PLA2G5: variants seen among roughly 807,000 people sequenced by gnomAD.
The protein encoded by PLA2G5 is phospholipase A2 group V, also known as Ca2+-dependent phospholipase A2.
In PLA2G5, 12 loss-of-function variants were observed where a neutral mutation model predicts 15.9. The ratio of observed to expected loss-of-function variants is 0.76; its 90% CI spans 0.48 to 1.23. The LOEUF (loss-of-function observed/expected upper bound fraction) is 1.23. PLA2G5 is among the 50% of genes most tolerant of loss of function. The pLI, the probability that PLA2G5 is intolerant of heterozygous loss-of-function variation, is 0.00. For missense variants in PLA2G5, 169 were observed against 177.1 expected, an observed-to-expected ratio of 0.95 and a Z score of 0.26; for synonymous variants, 71 against 71.4, an observed-to-expected ratio of 0.99 and a Z score of 0.03.
intron 1 of PLA2G5, among the ~76,000 whole-genome samples, chr1:20,071,759 G>A (rs966289765): frequency 2.2e-4 from 34 of 152,020 alleles, no homozygotes; most frequent in Admixed American, 1.3e-3. Context: ...GCTCCTTCAC[G>A]GCTTTACTCA....
intron 1 of PLA2G5, among the ~76,000 whole-genome samples, chr1:20,046,700 G>A (rs898201857): frequency 6.6e-6 from 1 of 152,160 alleles, no homozygotes; most frequent in Non-Finnish European, 1.5e-5. Context: ...GGCTTTGGGG[G>A]TACCAGAGAT....
At chr1:20,071,057 C>T (rs1195487412) in intron 1 of PLA2G5, 2 of 152,146 alleles carry the variant, frequency 1.3e-5, no homozygotes, top group Non-Finnish European at 2.9e-5. Context: ...TATACGTGGC[C>T]TCAGGAGTCA....
At chr1:20,049,741 C>G (rs1255050470) in intron 1 of PLA2G5, among the ~76,000 whole-genome samples, 2 of 152,206 alleles carry the variant, frequency 1.3e-5, no homozygotes, top group Non-Finnish European at 2.9e-5. Flanking sequence ...TCCATTAAAC[C>G]TCTTTCCTTT....
At position 20,091,838 on chromosome 1, in the gene PLA2G5, A is replaced by G. The variant is rs1160831067; in HGVS notation, c.*1146A>G. Among the ~76,000 whole-genome samples, 3 of 152,228 alleles carry G rather than the reference A, an allele frequency of 2.0e-5. No individual in the cohort carries two copies. The highest frequency in any genetic ancestry group is 1.3e-4 in the Admixed American group (2 of 15,278). ...ATACCCCAAAATAACTGCATGATAA[A>G]TAGGTCTATATTTAAAAAGCTCTAG... On this transcript the variant is annotated 3_prime_UTR_variant, in exon 5 of 5. Coordinates refer to ENST00000375108, the MANE Select transcript of PLA2G5 (RefSeq NM_000929.3).
At chr1:20,061,677 C>G (rs1401264435) in intron 2 of PLA2G5, among the ~76,000 whole-genome samples, 1 of 152,142 alleles carries the variant, frequency 6.6e-6, no homozygotes, top group African/African-American at 2.4e-5. Context: ...AAAAGAATCC[C>G]TCTTTCCATA....
upstream of PLA2G5, among the ~76,000 whole-genome samples, chr1:20,065,521 A>G (rs1435620583): frequency 6.6e-6 from 1 of 152,200 alleles, no homozygotes; most frequent in Non-Finnish European, 1.5e-5. Context: ...GTTATACAGT[A>G]TATATCCTTT....
chr1:20,032,219 T>C (rs768525477), intron 1 of PLA2G5, among the ~76,000 whole-genome samples: 1 of 152,172 alleles, frequency 6.6e-6, no homozygotes, highest in Non-Finnish European at 1.5e-5. Context: ...CCATTTAATG[T>C]TTAGAGTCTT....
chr1:20,083,764 G>A (rs1008028813), intron 1 of PLA2G5, among the ~76,000 whole-genome samples: 1 of 151,708 alleles, frequency 6.6e-6, no homozygotes, highest in African/African-American at 2.4e-5. Flanking sequence ...GGTGCAGAAG[G>A]ACGCGGCTCG....
intron 1 of PLA2G5, among the ~76,000 whole-genome samples, chr1:20,072,503 GAA>G (rs1438360620): frequency 1.3e-5 from 2 of 152,166 alleles, no homozygotes; most frequent in Non-Finnish European, 2.9e-5. Flanking sequence ...GAGAGACAGA[GAA>G]AGAGAGAGAG....
At chr1:20,057,832 T>G (rs1191025649) in intron 1 of PLA2G5, among the ~76,000 whole-genome samples, 1 of 151,538 alleles carries the variant, frequency 6.6e-6, no homozygotes, top group Non-Finnish European at 1.5e-5. Flanking sequence ...TATTTTCATT[T>G]TAATTTAGTT....
intron 1 of PLA2G5, among the ~76,000 whole-genome samples, chr1:20,038,690 G>A (rs190876151): frequency 6.6e-6 from 1 of 152,244 alleles, no homozygotes; most frequent in East Asian, 1.9e-4. Context: ...GAGGGAGGAG[G>A]ATCACTTGTG....
chr1:20,066,681 G>A (rs1019804003), upstream of PLA2G5, among the ~76,000 whole-genome samples: 11 of 152,072 alleles, frequency 7.2e-5, no homozygotes, highest in Admixed American at 1.3e-4. Flanking sequence ...GTGTACATAT[G>A]TAAGATATTG....
intron 1 of PLA2G5, among the ~76,000 whole-genome samples, chr1:20,051,048 G>A (rs187524276): frequency 3.4e-3 from 523 of 152,184 alleles, no homozygotes; most frequent in African/African-American, 0.012. Flanking sequence ...GATTGACTTA[G>A]TGTATATTAT....
At chr1:20,068,452 T>TG (rs2015167578), upstream of PLA2G5, among the ~76,000 whole-genome samples, 1 of 117,614 alleles carries the variant, frequency 8.5e-6, no homozygotes, top group Non-Finnish European at 1.8e-5. Flanking sequence ...AAAGTGGTAG[T>TG]TTTTTTTTTT....
At chr1:20,087,728 G>A (rs142049756) in intron 3 of PLA2G5, among the ~76,000 whole-genome samples, 63 of 152,018 alleles carry the variant, frequency 4.1e-4, no homozygotes, top group Admixed American at 2.2e-3. Context: ...TCAATTCTAG[G>A]ACCAAGGCAG....
intron 1 of PLA2G5, among the ~76,000 whole-genome samples, chr1:20,057,581 G>A (rs666059): frequency 6.6e-6 from 1 of 151,794 alleles, no homozygotes; most frequent in South Asian, 2.1e-4. Context: ...TCACTGCAAC[G>A]TCCACCTCCT....
At chr1:20,085,671 A>G (rs186281784) in intron 2 of PLA2G5, among the ~76,000 whole-genome samples, 1 of 152,336 alleles carries the variant, frequency 6.6e-6, no homozygotes, top group Admixed American at 6.5e-5. Context: ...CAAATACATT[A>G]TGAATTACAC....
intron 1 of PLA2G5, among the ~76,000 whole-genome samples, chr1:20,081,278 T>G (rs2016004587): frequency 6.6e-6 from 1 of 151,794 alleles, no homozygotes; most frequent in Non-Finnish European, 1.5e-5. Flanking sequence ...TGGATGGCTC[T>G]CCACTCTTCG....
chr1:20,060,958 C>T (rs1235566471), intron 2 of PLA2G5, among the ~76,000 whole-genome samples: 1 of 152,100 alleles, frequency 6.6e-6, no homozygotes, highest in Non-Finnish European at 1.5e-5. Flanking sequence ...CTCAGGTGAT[C>T]CACCTGCCTT....
Sources: gnomAD v4.1 joint callset for allele counts (sites outside exome capture counted in the v4.1 genomes callset) on GRCh38, gnomAD v4.1.1 for gene constraint, MANE v1.5 for transcripts, NCBI Gene and HGNC (gene_info 2026-07-23, HGNC 2026-07-21) for gene names.